DLG2: variants seen among roughly 807,000 people sequenced by gnomAD.
The protein encoded by DLG2 is disks large homolog 2.
DLG2 carries 45 observed loss-of-function variants against 132.5 expected under a neutral mutation model. The observed-to-expected ratio is 0.34, with a 90% CI of 0.27 to 0.44. The LOEUF (loss-of-function observed/expected upper bound fraction) is 0.44. Among genes scored for constraint, DLG2 ranks in the 20% least tolerant of loss-of-function variants. The pLI is 1.00. For missense variants in DLG2, 1,045 were observed against 1,196.9 expected, an observed-to-expected ratio of 0.87 and a Z score of 1.87; for synonymous variants, 424 against 419.6, an observed-to-expected ratio of 1.01 and a Z score of -0.13.
At chr11:84,046,296 T>C (rs1484910528) in intron 11 of DLG2, among the ~76,000 whole-genome samples, 1 of 151,646 alleles carries the variant, frequency 6.6e-6, no homozygotes, top group Non-Finnish European at 1.5e-5. Flanking sequence ...AGTGAAAATA[T>C]ATGAGTGAAT....
At chr11:83,557,118 C>A (rs2096534648) in intron 19 of DLG2, among the ~76,000 whole-genome samples, 1 of 152,186 alleles carries the variant, frequency 6.6e-6, no homozygotes, top group African/African-American at 2.4e-5. Flanking sequence ...TTAGGTGTTT[C>A]TTAAGAACTC....
At chr11:83,777,029 A>G (rs2094608848) in intron 18 of DLG2, among the ~76,000 whole-genome samples, 2 of 152,114 alleles carry the variant, frequency 1.3e-5, no homozygotes, top group African/African-American at 4.8e-5. Context: ...TCCATTAGGG[A>G]AGGAAGGGGC....
chr11:85,436,625 C>T (rs1160303739), intron 3 of DLG2, among the ~76,000 whole-genome samples: 1 of 152,068 alleles, frequency 6.6e-6, no homozygotes, highest in East Asian at 1.9e-4. Context: ...TCATCCCAGT[C>T]AGAATGGCAA....
At chr11:85,134,764 C>T (rs983362612) in intron 5 of DLG2, among the ~76,000 whole-genome samples, 16 of 151,856 alleles carry the variant, frequency 1.1e-4, no homozygotes, top group Non-Finnish European at 1.9e-4. Context: ...AAATCAAATA[C>T]GTGTTCTGAG....
chr11:84,915,291 A>T (rs989098731), intron 6 of DLG2, among the ~76,000 whole-genome samples: 10 of 152,194 alleles, frequency 6.6e-5, no homozygotes, highest in Non-Finnish European at 1.3e-4. Flanking sequence ...TGATTATAAT[A>T]CATTTAATCT....
At chr11:83,777,186 C>T (rs960173874) in intron 18 of DLG2, among the ~76,000 whole-genome samples, 2 of 152,078 alleles carry the variant, frequency 1.3e-5, no homozygotes, top group African/African-American at 4.8e-5. Context: ...GCCAGCAATT[C>T]TTTAGTAATA....
At chr11:83,609,487 TTGAG>T (rs1397567570) in intron 19 of DLG2, among the ~76,000 whole-genome samples, 1 of 152,218 alleles carries the variant, frequency 6.6e-6, no homozygotes, top group Non-Finnish European at 1.5e-5. Context: ...TTAAGCTGGC[TTGAG>T]TTTTAGTTAC....
At chr11:85,093,294 G>C (rs1055667756) in intron 6 of DLG2, among the ~76,000 whole-genome samples, 1 of 118,328 alleles carries the variant, frequency 8.5e-6, no homozygotes, top group Non-Finnish European at 1.7e-5. Context: ...TCAATCATTT[G>C]GCAAGGGAGT....
At chr11:83,852,820 A>T in intron 16 of DLG2, among the ~76,000 whole-genome samples, 1 of 152,276 alleles carries the variant, frequency 6.6e-6, no homozygotes, top group Non-Finnish European at 1.5e-5. Flanking sequence ...CTTTATCAGG[A>T]AAAAAGAGGA....
At position 83,513,599 on chromosome 11, in the gene DLG2, T is replaced by C. The variant is rs1476276608; in HGVS notation, c.2193+19109A>G. Reference sequence around the variant, plus strand: ...TTTAGTGGTTTACACATGAAGTCCTTGCCCATGCCTATGTCCTGAATGGTA... The same window carrying C: ...TTTAGTGGTTTACACATGAAGTCCTCGCCCATGCCTATGTCCTGAATGGTA... On this transcript the variant is annotated intron_variant, in intron 21 of 27. Coordinates refer to ENST00000376104, the MANE Select transcript of DLG2 (RefSeq NM_001142699.3). 3.3e-5 allele frequency among the ~76,000 whole-genome samples: 5 copies of C among 152,234 alleles called. No homozygotes were observed. The East Asian group carries it at 9.6e-4, about 29-fold the overall frequency.
chr11:85,579,025 T>C (rs2078340336), intron 3 of DLG2, among the ~76,000 whole-genome samples: 1 of 152,036 alleles, frequency 6.6e-6, no homozygotes, highest in African/African-American at 2.4e-5. Context: ...ATATGGCGTA[T>C]ATACACCATG....
chr11:84,811,292 G>C (rs2153972047), intron 6 of DLG2, among the ~76,000 whole-genome samples: 1 of 152,212 alleles, frequency 6.6e-6, no homozygotes, highest in Middle Eastern at 3.4e-3. Context: ...GTATGTTTCT[G>C]TGACAGAGTG....
At chr11:85,010,147 T>G (rs1160638653) in intron 6 of DLG2, among the ~76,000 whole-genome samples, 1 of 152,072 alleles carries the variant, frequency 6.6e-6, no homozygotes, top group African/African-American at 2.4e-5. Context: ...GAAATATATC[T>G]GAATACTTAG....
intron 6 of DLG2, among the ~76,000 whole-genome samples, chr11:84,628,859 T>C (rs1341177036): frequency 1.3e-5 from 2 of 152,160 alleles, no homozygotes; most frequent in Non-Finnish European, 2.9e-5. Context: ...AATGAATAGT[T>C]GGTGATCAAT....
intron 19 of DLG2, among the ~76,000 whole-genome samples, chr11:83,591,263 T>G (rs959070954): frequency 9.1e-5 from 12 of 132,194 alleles, no homozygotes; most frequent in Admixed American, 3.3e-4. Flanking sequence ...GCAAAACGAA[T>G]CCAGCAGCAC....
intron 19 of DLG2, among the ~76,000 whole-genome samples, chr11:83,567,766 C>T (rs1210537042): frequency 6.6e-6 from 1 of 152,052 alleles, no homozygotes; most frequent in Non-Finnish European, 1.5e-5. Context: ...GAGTGAGTTG[C>T]ATTACAAGGT....
chr11:83,640,358 T>C, intron 18 of DLG2, among the ~76,000 whole-genome samples: 1 of 152,004 alleles, frequency 6.6e-6, no homozygotes. Context: ...CTGTTGGGGG[T>C]CACAATATTG....
At chr11:84,353,692 G>T (rs2098595183) in intron 7 of DLG2, among the ~76,000 whole-genome samples, 1 of 152,144 alleles carries the variant, frequency 6.6e-6, no homozygotes, top group Non-Finnish European at 1.5e-5. Flanking sequence ...TCAAGGTCAT[G>T]TTTGGTATGT....
At chr11:84,499,320 A>T (rs2099195190) in intron 7 of DLG2, among the ~76,000 whole-genome samples, 1 of 152,232 alleles carries the variant, frequency 6.6e-6, no homozygotes, top group South Asian at 2.1e-4. Flanking sequence ...GGCAGATTTC[A>T]GATTGAAGAG....
Sources: allele counts gnomAD v4.1 joint callset (sites outside exome capture counted in the v4.1 genomes callset), GRCh38; gene constraint gnomAD v4.1.1; transcripts MANE v1.5; gene names NCBI Gene and HGNC (gene_info 2026-07-23, HGNC 2026-07-21).